GNAS-AS1: variants seen among roughly 807,000 people sequenced by gnomAD.
GNAS-AS1 encodes GNAS antisense RNA 1 (non-protein coding).
chr20:58,823,924 G>T, intron 4 of GNAS-AS1: 1 of 398,058 alleles, frequency 2.5e-6, no homozygotes, highest in South Asian at 1.3e-4. Flanking sequence ...TCTCATCATC[G>T]ATACATAGGT....
At chr20:58,835,095 C>T (rs920439821) in intron 4 of GNAS-AS1, among the ~76,000 whole-genome samples, 8 of 150,514 alleles carry the variant, frequency 5.3e-5, no homozygotes, top group Admixed American at 2.0e-4. Context: ...GGGGAACAGG[C>T]GGGAGGGGCC....
intron 4 of GNAS-AS1, chr20:58,839,269 A>C (rs2085643059): frequency 2.5e-6 from 1 of 398,658 alleles, no homozygotes; most frequent in Non-Finnish European, 4.4e-6. Flanking sequence ...AGATCTGCTA[A>C]AGGTAGTTTC....
chr20:58,838,001 G>A (rs2085618476), intron 4 of GNAS-AS1, among the ~76,000 whole-genome samples: 1 of 152,176 alleles, frequency 6.6e-6, no homozygotes, highest in South Asian at 2.1e-4. Flanking sequence ...GGAGGGCCTG[G>A]TGGGCCACCC....
chr20:58,844,508 A>G (rs184462913), intron 2 of GNAS-AS1, among the ~76,000 whole-genome samples: 2 of 152,346 alleles, frequency 1.3e-5, no homozygotes, highest in Admixed American at 1.3e-4. Flanking sequence ...CTAGCAGCCC[A>G]GGTTGCTTCT....
At chr20:58,842,602 T>C (rs535362536) in intron 2 of GNAS-AS1, 1 of 398,242 alleles carries the variant, frequency 2.5e-6, no homozygotes, top group South Asian at 1.3e-4. Context: ...ACAGCAATGT[T>C]AGTCTCAGAA....
Position 58,841,125 on chromosome 20 carries a change from G to A in GNAS-AS1, n.819+812C>T, listed in dbSNP as rs954468866. On this transcript the variant is annotated intron_variant and non_coding_transcript_variant, in intron 4 of 4. Coordinates refer to ENST00000424094, the Ensembl canonical transcript of GNAS-AS1. This position sits in a 1 kb window ranked among gnomAD's most constrained non-coding sequence, Gnocchi z 5.0. ...CGGCGGGGCGCACGCCGTGCGTCCC[G>A]CTGGAGACAACCTGAGGTCTCCGAG... is the stretch of plus-strand genomic sequence containing the variant. 2.0e-5 allele frequency among the ~76,000 whole-genome samples: 3 copies of A among 152,104 alleles called. No individual in the cohort carries two copies. Among genetic ancestry groups the A allele is most frequent in the African/African-American group, 7.2e-5 (3 of 41,444 alleles).
intron 2 of GNAS-AS1, among the ~76,000 whole-genome samples, chr20:58,847,356 T>C (rs1365923151): frequency 6.6e-6 from 1 of 152,102 alleles, no homozygotes; most frequent in East Asian, 1.9e-4. Flanking sequence ...CGCAGACCCC[T>C]CTGCAGATAG....
At chr20:58,830,297 A>ACCG (rs2085549056) in intron 4 of GNAS-AS1, among the ~76,000 whole-genome samples, 2 of 144,502 alleles carry the variant, frequency 1.4e-5, no homozygotes, top group Non-Finnish European at 3.0e-5. Flanking sequence ...CATCACCACC[A>ACCG]CCATCACCAC....
intron 4 of GNAS-AS1, among the ~76,000 whole-genome samples, chr20:58,834,939 T>C (rs2085592610): frequency 6.6e-6 from 1 of 152,206 alleles, no homozygotes. Flanking sequence ...CTAGATGGCA[T>C]TCCCCCAAAT....
chr20:58,830,062 T>C (rs2085544015), intron 4 of GNAS-AS1, among the ~76,000 whole-genome samples: 2 of 152,026 alleles, frequency 1.3e-5, no homozygotes, highest in South Asian at 4.1e-4. Flanking sequence ...AACTCCAACT[T>C]TATTTTAGGC....
At position 58,839,381 on chromosome 20, in the gene GNAS-AS1, A is replaced by T. The variant is rs1470476962; in HGVS notation, n.819+2556T>A. ...TATAGACAGACCCTCATTCCCCTGAATATTTGCTATTTGGGGTTCTGGGTT... is the reference window on the plus strand; with the variant it reads ...TATAGACAGACCCTCATTCCCCTGATTATTTGCTATTTGGGGTTCTGGGTT... On this transcript the variant is annotated intron_variant and non_coding_transcript_variant, in intron 4 of 4. Transcript: ENST00000424094. The T allele has an allele frequency of 1.2e-4, 49 of 399,546 alleles. 1 individual carries two copies. In the East Asian group the frequency reaches 1.7e-3, roughly 14 times the overall value. 24.8% of individuals were successfully genotyped at this position (399,546 alleles called of 1,614,324 possible).
At chr20:58,838,774 G>A (rs1226046645) in intron 4 of GNAS-AS1, 5 of 379,600 alleles carry the variant, frequency 1.3e-5, no homozygotes, top group East Asian at 1.1e-4. Context: ...AAAATTAGCC[G>A]AGCGTAGTGG....
chr20:58,828,723 A>T (rs1459428492), intron 4 of GNAS-AS1, among the ~76,000 whole-genome samples: 1 of 152,206 alleles, frequency 6.6e-6, no homozygotes, highest in Non-Finnish European at 1.5e-5. Context: ...GACCTAGAAC[A>T]TCTTTCTACC....
chr20:58,825,626 C>T (rs2085514457), intron 4 of GNAS-AS1, among the ~76,000 whole-genome samples: 1 of 152,168 alleles, frequency 6.6e-6, no homozygotes. Flanking sequence ...ATGGCAAAAA[C>T]CGTGAAGGTG....
Position 58,840,352 on chromosome 20 carries a change from G to A in GNAS-AS1, n.819+1585C>T, listed in dbSNP as rs202166182. On this transcript the variant is annotated intron_variant and non_coding_transcript_variant, in intron 4 of 4. Coordinates refer to ENST00000424094, the Ensembl canonical transcript of GNAS-AS1. This position sits in a 1 kb window ranked among gnomAD's most constrained non-coding sequence, Gnocchi z 6.0. Reference sequence around the variant, plus strand: ...AGGTATTCCCTGAGTCCCCCGAATCGGAATCTGACCACGAGCACGAGGAGG... The same window carrying A: ...AGGTATTCCCTGAGTCCCCCGAATCAGAATCTGACCACGAGCACGAGGAGG... 1.1e-5 allele frequency: 18 copies of A among 1,613,194 alleles called. No homozygotes were observed. The highest frequency in any genetic ancestry group is 1.5e-5 in the Non-Finnish European group (18 of 1,179,998).
chr20:58,819,309 T>A, intron 4 of GNAS-AS1: 1 of 398,276 alleles, frequency 2.5e-6, no homozygotes, highest in Non-Finnish European at 4.4e-6. Flanking sequence ...GGGCAAAGGA[T>A]TAACAACAGA....
intron 4 of GNAS-AS1, among the ~76,000 whole-genome samples, chr20:58,831,957 G>A (rs1012988060): frequency 1.3e-5 from 2 of 152,136 alleles, no homozygotes; most frequent in African/African-American, 2.4e-5. Context: ...ATTTCACTGT[G>A]GACTGGCATT....
intron 4 of GNAS-AS1, among the ~76,000 whole-genome samples, chr20:58,831,048 G>T (rs937548515): frequency 6.6e-6 from 1 of 152,138 alleles, no homozygotes; most frequent in Non-Finnish European, 1.5e-5. Context: ...GTCAGAGAAA[G>T]CCAAAATAAG....
rs1024189770 is a variant in GNAS-AS1 at position 58,841,755 on chromosome 20, G to A, written n.819+182C>T. On this transcript the variant is annotated intron_variant and non_coding_transcript_variant, in intron 4 of 4. Transcript: ENST00000424094. The surrounding 1 kb of genome is among the most constrained non-coding windows in gnomAD (Gnocchi z 5.0). ...AACGCACAGGCATGGTCACGTCGGG[G>A]TATTGCCAAGCTTTTGGCGCAGCTG... is the stretch of plus-strand genomic sequence containing the variant. 39 of 1,229,418 alleles carry A rather than the reference G, an allele frequency of 3.2e-5. No individual in the cohort carries two copies. The highest frequency in any genetic ancestry group is 3.8e-5 in the Non-Finnish European group (38 of 987,070). The allele number at this position is 1,229,418 out of a possible 1,614,324, so 76.2% of individuals were successfully genotyped here.
Sources: gnomAD v4.1 joint callset for allele counts (sites outside exome capture counted in the v4.1 genomes callset) on GRCh38, gnomAD v4.1.1 for gene constraint, Gnocchi (gnomAD v3.1) non-coding constraint, MANE v1.5 for transcripts, NCBI Gene and HGNC (gene_info 2026-07-23, HGNC 2026-07-21) for gene names.